GSG1L2: variants seen among roughly 807,000 people sequenced by gnomAD.
GSG1L2 encodes the protein germ cell-specific gene 1-like protein 2.
A neutral mutation model predicts 9.0 loss-of-function variants in GSG1L2; 15 were observed. The ratio of observed to expected loss-of-function variants is 1.67; its 90% CI spans 1.12 to 2.57. GSG1L2 has a LOEUF of 2.57. Among genes scored for constraint, GSG1L2 ranks in the 30% most tolerant of loss-of-function variants. The pLI, the probability that GSG1L2 is intolerant of heterozygous loss-of-function variation, is 0.00. For synonymous variants in GSG1L2, 127 were observed against 57.9 expected, an observed-to-expected ratio of 2.19 and a Z score of -5.41; for missense variants, 286 against 150.3, an observed-to-expected ratio of 1.90 and a Z score of -4.72.
chr17:9,819,665 T>C (rs1000603134), intron 1 of GSG1L2, among the ~76,000 whole-genome samples: 1 of 152,076 alleles, frequency 6.6e-6, no homozygotes, highest in Non-Finnish European at 1.5e-5. Context: ...AGAGTTTTGC[T>C]CTTGTTGCCC....
intron 4 of GSG1L2, chr17:9,805,628 G>A (rs1055119389): frequency 6.6e-6 from 1 of 152,110 alleles, no homozygotes; most frequent in African/African-American, 2.4e-5. Flanking sequence ...TCCCAGAAAA[G>A]GTAAACTAAA....
In GSG1L2 at chr17:9,808,994, C is replaced by A; in HGVS notation, c.359-12G>T. 1 of 702,898 alleles carries A rather than the reference C, an allele frequency of 1.4e-6. No homozygotes were observed. Among genetic ancestry groups the A allele is most frequent in the Non-Finnish European group, 2.6e-6 (1 of 384,930 alleles). The allele number at this position is 702,898 out of a possible 1,614,324, so 43.5% of individuals were successfully genotyped here. A position where few individuals can be genotyped will look rare whatever the true frequency, so the allele number is the denominator to read the frequency against. The stretch of plus-strand genomic sequence containing the variant: ...CAGCCACAAAACACCTGCCAAAGAA[C>A]GGGATGTTGGAAACGCTGGACACTT... On this transcript the variant is annotated splice_polypyrimidine_tract_variant and intron_variant, in intron 2 of 4. Coordinates refer to ENST00000399363, the MANE Select transcript of GSG1L2 (RefSeq NM_001310219.2).
At chr17:9,816,589 C>A (rs62641963) in intron 1 of GSG1L2, among the ~76,000 whole-genome samples, 1 of 68,984 alleles carries the variant, frequency 1.4e-5, no homozygotes, top group Non-Finnish European at 2.5e-5. Flanking sequence ...TGTGCACGTG[C>A]GTGTCTGTGT....
chr17:9,815,976 AGGAGGACAGG>A (rs925829812), intron 1 of GSG1L2, among the ~76,000 whole-genome samples: 1 of 152,138 alleles, frequency 6.6e-6, no homozygotes, highest in Non-Finnish European at 1.5e-5. Flanking sequence ...TTGTAGGAAG[AGGAGGACAGG>A]GCCGAGCTAG....
In GSG1L2 at chr17:9,800,778, T is replaced by C. The variant is rs571884821; in HGVS notation, c.*1608A>G. On this transcript the variant is annotated 3_prime_UTR_variant, in exon 5 of 5. Transcript: ENST00000399363. Reference sequence around the variant, plus strand: ...CACAGGACCTGCCTACATGAATACATAGGGATGAAAAACCATATGAAAGAA... The same window carrying C: ...CACAGGACCTGCCTACATGAATACACAGGGATGAAAAACCATATGAAAGAA... 5.3e-5 allele frequency among the ~76,000 whole-genome samples: 8 copies of C among 152,256 alleles called. No homozygotes were observed. Among genetic ancestry groups the C allele is most frequent in the African/African-American group, 1.9e-4 (8 of 41,546 alleles).
chr17:9,817,624 C>A (rs146639234), intron 1 of GSG1L2, among the ~76,000 whole-genome samples: 2,343 of 152,132 alleles, frequency 0.015, 60 homozygotes, highest in African/African-American at 0.053. Context: ...GGGGTTTCAC[C>A]ATGTTGGCCA....
intron 3 of GSG1L2, among the ~76,000 whole-genome samples, chr17:9,808,469 G>A (rs2066524485): frequency 6.6e-6 from 1 of 152,076 alleles, no homozygotes; most frequent in Non-Finnish European, 1.5e-5. Flanking sequence ...ACTTGCCTGA[G>A]GTCATACACC....
At chr17:9,816,884 G>GTGTGTCTC (rs2066568771) in intron 1 of GSG1L2, among the ~76,000 whole-genome samples, 1 of 38,262 alleles carries the variant, frequency 2.6e-5, no homozygotes. Flanking sequence ...GTGTGTATCT[G>GTGTGTCTC]TGTGTGTGTA....
rs560474622 is a variant in GSG1L2, at chr17:9,801,382, G to GTT, written c.*1002_*1003dup. Among the ~76,000 whole-genome samples the GTT allele has an allele frequency of 2.9e-5, 4 of 140,344 alleles. No homozygotes were observed. The highest frequency in any genetic ancestry group is 2.3e-4 in the South Asian group (1 of 4,354). The allele number at this position is 140,344 out of a possible 152,430, so 92.1% of individuals were successfully genotyped here. The stretch of plus-strand genomic sequence containing the variant: ...GCCACCATGCTTGGCTATTTTTGAT[G>GTT]TTTTTTTTTTTTTAGTAGAGACAGG... On this transcript the variant is annotated 3_prime_UTR_variant, in exon 5 of 5. Coordinates refer to ENST00000399363, the MANE Select transcript of GSG1L2 (RefSeq NM_001310219.2).
chr17:9,816,332 A>G (rs2066559102), intron 1 of GSG1L2, among the ~76,000 whole-genome samples: 1 of 152,042 alleles, frequency 6.6e-6, no homozygotes, highest in African/African-American at 2.4e-5. Context: ...CCGTGGTGTG[A>G]TCCAGAAAAA....
chr17:9,816,790 CGTATCTGT>C (rs2066567084), intron 1 of GSG1L2, among the ~76,000 whole-genome samples: 1 of 136,778 alleles, frequency 7.3e-6, no homozygotes, highest in South Asian at 2.4e-4. Context: ...TCTGTGTGTG[CGTATCTGT>C]GTATGTGTGT....
rs547954362 is a variant in GSG1L2, at chr17:9,821,988, G to T, written c.84C>A (p.Ser28Arg). 7.1e-6 allele frequency: 5 copies of T among 703,128 alleles called. No individual in the cohort carries two copies. The South Asian group carries it at 7.4e-5, about 10-fold the overall frequency. The allele number at this position is 703,128 out of a possible 1,614,324, so 43.6% of individuals were successfully genotyped here. A position where few individuals can be genotyped will look rare whatever the true frequency, so the allele number is the denominator to read the frequency against. The change falls in exon 1 of 5, where the codon AGC (serine) becomes AGA (arginine). Residue 28 changes from serine to arginine, a missense_variant. By Grantham distance (110) the Ser-to-Arg change is moderately radical. Transcript: ENST00000399363. ...ALTFSLTAVV[S>R]SHWCEGTRRV... ...GTCGGGTCCCCTCACACCAGTGGCT[G>T]CTGACCACGGCGGTGAGGGAGAAGG...
chr17:9,805,043 A>C (rs992437631), intron 4 of GSG1L2: 1 of 152,184 alleles, frequency 6.6e-6, no homozygotes, highest in African/African-American at 2.4e-5. Flanking sequence ...AGGCTGGAAG[A>C]CAAGTAGAGA....
At chr17:9,809,092 C>T (rs942655608) in intron 2 of GSG1L2, 110 bp from the exon 3 acceptor site, 16 of 640,308 alleles carry the variant, frequency 2.5e-5, no homozygotes, top group Non-Finnish European at 4.0e-5. Context: ...AAAACAGACA[C>T]GCTGGAGTGA....
intron 1 of GSG1L2, among the ~76,000 whole-genome samples, chr17:9,814,842 T>G (rs976930596): frequency 9.2e-5 from 14 of 152,180 alleles, no homozygotes; most frequent in Non-Finnish European, 8.8e-5. Flanking sequence ...CTATCCTTTA[T>G]GGGGTGCCTG....
chr17:9,805,613 T>C (rs2066513731), intron 4 of GSG1L2: 1 of 152,154 alleles, frequency 6.6e-6, no homozygotes, highest in African/African-American at 2.4e-5. Context: ...TGCTGAAGGA[T>C]GTACTCCCAG....
chr17:9,809,517 C>T (rs2066531127), intron 2 of GSG1L2: 1 of 159,114 alleles, frequency 6.3e-6, no homozygotes, highest in African/African-American at 2.4e-5. Context: ...CTTTTATCCC[C>T]TTATTGGCCC....
At position 9,822,028 on chromosome 17, in the gene GSG1L2, A is replaced by T. The variant is rs1033949749; in HGVS notation, c.44T>A (p.Val15Asp). ...GAGGGAGAAGGTGAGGGCGAGGCAG[A>T]CAGGGAGGAGGAGCAGCGCCTGCTG... The part of the protein sequence containing the change: ...KQQQALLLLP[V>D]CLALTFSLTA... The change falls in exon 1 of 5, where the codon GTC (valine) becomes GAC (aspartate). Residue 15 changes from valine (V) to aspartate (D), a missense_variant. Coordinates refer to ENST00000399363, the MANE Select transcript of GSG1L2 (RefSeq NM_001310219.2). 1.4e-6 allele frequency: 1 copy of T among 702,578 alleles called. No homozygotes were observed. Among genetic ancestry groups the T allele is most frequent in the Non-Finnish European group, 2.6e-6 (1 of 384,980 alleles). The allele number at this position is 702,578 out of a possible 1,614,324, so 43.5% of individuals were successfully genotyped here. A position where few individuals can be genotyped will look rare whatever the true frequency, so the allele number is the denominator to read the frequency against.
chr17:9,809,185 C>T, intron 2 of GSG1L2: 1 of 567,118 alleles, frequency 1.8e-6, no homozygotes, highest in Non-Finnish European at 3.2e-6. Context: ...TAGGGATTGC[C>T]CGTAGCTGAA....
Sources: gnomAD v4.1 joint callset for allele counts (sites outside exome capture counted in the v4.1 genomes callset) on GRCh38, gnomAD v4.1.1 for gene constraint, MANE v1.5 for transcripts, NCBI Gene and HGNC (gene_info 2026-07-23, HGNC 2026-07-21) for gene names.